The following PLA2G4E variants were observed in gnomAD, a reference collection of about 807,000 sequenced individuals.
The protein encoded by PLA2G4E is phospholipase A2 group IVE, also known as cytosolic phospholipase A2 epsilon.
In PLA2G4E, 84 loss-of-function variants were observed where a neutral mutation model predicts 109.1. That is an observed-to-expected ratio of 0.77 (90% CI 0.65 to 0.92). The LOEUF (loss-of-function observed/expected upper bound fraction) is 0.92, where lower values mean the gene tolerates loss of function less well. Ranked by LOEUF, PLA2G4E falls within the 40% of genes least tolerant of loss-of-function variation. PLA2G4E has a pLI of 0.00. For missense variants in PLA2G4E, 1,057 were observed against 1,076.6 expected (o/e 0.98, Z 0.25); for synonymous variants, 469 against 436.1 (o/e 1.08, Z -0.94).
chr15:42,019,453 C>G (rs558472173), intron 1 of PLA2G4E, among the ~76,000 whole-genome samples: 8 of 152,314 alleles, frequency 5.3e-5, no homozygotes, highest in African/African-American at 1.9e-4. Flanking sequence ...CAAACCATCC[C>G]ATGAAGTCTG....
intron 1 of PLA2G4E, among the ~76,000 whole-genome samples, chr15:42,047,494 C>T (rs747419476): frequency 1.6e-4 from 25 of 152,200 alleles, no homozygotes; most frequent in Non-Finnish European, 2.9e-4. Flanking sequence ...GCAGCAGCCT[C>T]ATGACCGAAT....
intron 1 of PLA2G4E, among the ~76,000 whole-genome samples, chr15:42,014,461 C>T (rs777482380): frequency 1.3e-4 from 20 of 152,148 alleles, no homozygotes; most frequent in Non-Finnish European, 2.4e-4. Flanking sequence ...TGCTTATTGG[C>T]ACTCTCCTCC....
chr15:42,016,111 T>G (rs1418158380), intron 1 of PLA2G4E, among the ~76,000 whole-genome samples: 1 of 152,186 alleles, frequency 6.6e-6, no homozygotes, highest in Non-Finnish European at 1.5e-5. Flanking sequence ...AGAATCACTT[T>G]ATACCTTTTT....
chr15:41,989,241 C>T (rs1185566519), intron 15 of PLA2G4E, among the ~76,000 whole-genome samples, 174 bp downstream of exon 15: 2 of 152,136 alleles, frequency 1.3e-5, no homozygotes, highest in Admixed American at 6.5e-5. Flanking sequence ...CTGCTGGAGA[C>T]CAGGAAATTG....
exon 18 of PLA2G4E, chr15:41,985,910 G>A: frequency 6.2e-7 from 1 of 1,609,372 alleles, no homozygotes; most frequent in South Asian, 1.1e-5. Context: ...CTGAGGAGGG[G>A]CGGGTAGCTG....
At chr15:42,009,521 C>T (rs2068511154) in intron 2 of PLA2G4E, among the ~76,000 whole-genome samples, 1 of 152,180 alleles carries the variant, frequency 6.6e-6, no homozygotes, top group South Asian at 2.1e-4. Context: ...TCCAGGGGCT[C>T]CCTTCTGCCC....
chr15:42,019,824 C>A (rs954455063), intron 1 of PLA2G4E, among the ~76,000 whole-genome samples: 1 of 152,242 alleles, frequency 6.6e-6, no homozygotes, highest in Non-Finnish European at 1.5e-5. Context: ...CCGGCACCAA[C>A]ATGGACCCTC....
At chr15:42,030,035 G>C (rs1448101408) in intron 1 of PLA2G4E, among the ~76,000 whole-genome samples, 1 of 152,166 alleles carries the variant, frequency 6.6e-6, no homozygotes, top group East Asian at 1.9e-4. Flanking sequence ...GGAGGAGGAA[G>C]AATTTGAACT....
At chr15:42,001,305 G>T in intron 6 of PLA2G4E, 85 bp from the exon 7 acceptor site, 1 of 1,277,494 alleles carries the variant, frequency 7.8e-7, no homozygotes, top group Non-Finnish European at 1.1e-6. Flanking sequence ...TGAGGGACCA[G>T]AGGATACATT....
At chr15:42,014,499 T>C (rs2068569510) in intron 1 of PLA2G4E, among the ~76,000 whole-genome samples, 1 of 152,222 alleles carries the variant, frequency 6.6e-6, no homozygotes, top group Non-Finnish European at 1.5e-5. Flanking sequence ...ATATTTGCTC[T>C]TGCCCAGGCA....
At chr15:42,005,863 C>G (rs557934152) in intron 4 of PLA2G4E, 127 bp downstream of exon 4, 1 of 1,177,648 alleles carries the variant, frequency 8.5e-7, no homozygotes, top group East Asian at 2.5e-5. Flanking sequence ...TTTAAACCAG[C>G]AGCACCATCT....
chr15:42,035,919 T>C (rs1889205022), intron 1 of PLA2G4E, among the ~76,000 whole-genome samples: 1 of 152,248 alleles, frequency 6.6e-6, no homozygotes, highest in African/African-American at 2.4e-5. Context: ...TCCTGAGCTA[T>C]ACTTGGAATT....
At chr15:42,002,670 G>C in exon 6 of PLA2G4E, 3 of 1,585,358 alleles carry the variant, frequency 1.9e-6, no homozygotes, top group Non-Finnish European at 2.6e-6. Flanking sequence ...CACGCCATTG[G>C]TGACGAGGGT....
chr15:42,039,272 C>A (rs1277622924), intron 1 of PLA2G4E, among the ~76,000 whole-genome samples: 1 of 152,160 alleles, frequency 6.6e-6, no homozygotes, highest in Non-Finnish European at 1.5e-5. Flanking sequence ...TCAAAAATTT[C>A]ATTTAAAATT....
intron 2 of PLA2G4E, among the ~76,000 whole-genome samples, chr15:42,008,814 C>T (rs2068503901): frequency 6.6e-6 from 1 of 152,140 alleles, no homozygotes; most frequent in Admixed American, 6.6e-5. Context: ...TGGTGAAAGC[C>T]AGCAGTTTCC....
chr15:41,984,280 G>A (rs1024513010), intron 19 of PLA2G4E, among the ~76,000 whole-genome samples, 156 bp downstream of exon 19: 1 of 152,218 alleles, frequency 6.6e-6, no homozygotes, highest in African/African-American at 2.4e-5. Context: ...TGGGGGTGAG[G>A]GAATGGGAGG....
chr15:42,000,081 C>A, intron 8 of PLA2G4E, 23 bp downstream of exon 8: 1 of 1,577,644 alleles, frequency 6.3e-7, no homozygotes, highest in Non-Finnish European at 8.6e-7. Context: ...CCCACACCTC[C>A]CCCAGTGTCA....
chr15:42,043,635 A>G (rs957639803), intron 1 of PLA2G4E, among the ~76,000 whole-genome samples: 5 of 151,784 alleles, frequency 3.3e-5, no homozygotes, highest in African/African-American at 4.8e-5. Flanking sequence ...CAACAACAGA[A>G]GTTCACAGGC....
intron 14 of PLA2G4E, 108 bp downstream of exon 14, chr15:41,990,013 G>A: frequency 1.2e-6 from 1 of 846,910 alleles, no homozygotes; most frequent in Non-Finnish European, 1.9e-6. Flanking sequence ...GGATGTAGAG[G>A]TTGACAAAGA....
Sources: gnomAD v4.1 joint callset for allele counts (sites outside exome capture counted in the v4.1 genomes callset) on GRCh38, gnomAD v4.1.1 for gene constraint, MANE v1.5 for transcripts, NCBI Gene and HGNC (gene_info 2026-07-23, HGNC 2026-07-21) for gene names.